The following SLC44A5 variants were observed in gnomAD, a reference collection of about 807,000 sequenced individuals.
The protein encoded by SLC44A5 is solute carrier family 44 member 5, also known as choline transporter-like protein 5.
In SLC44A5, 57 loss-of-function variants were observed where a neutral mutation model predicts 101.8. That is an observed-to-expected ratio of 0.56 (90% CI 0.45 to 0.70). The LOEUF is 0.70. Among genes scored for constraint, SLC44A5 ranks in the 30% least tolerant of loss-of-function variants. The pLI is 0.00. For synonymous variants in SLC44A5, 281 were observed against 290.9 expected (o/e 0.97, Z 0.35); for missense variants, 737 against 853.1 (o/e 0.86, Z 1.70).
At chr1:75,408,610 A>G (rs1329074729) in intron 2 of SLC44A5, among the ~76,000 whole-genome samples, 1 of 152,146 alleles carries the variant, frequency 6.6e-6, no homozygotes, top group Non-Finnish European at 1.5e-5. Context: ...ACACAGGAAC[A>G]GAAAACCAAA....
intron 2 of SLC44A5, among the ~76,000 whole-genome samples, chr1:75,473,687 C>A (rs917852726): frequency 6.6e-6 from 1 of 152,194 alleles, no homozygotes; most frequent in African/African-American, 2.4e-5. Context: ...AATTCTAGCA[C>A]TATAATCAGC....
At chr1:75,586,646 C>A (rs927778319) in intron 1 of SLC44A5, among the ~76,000 whole-genome samples, 3 of 151,798 alleles carry the variant, frequency 2.0e-5, no homozygotes, top group Non-Finnish European at 2.9e-5. Context: ...GAAGACTACA[C>A]CTTTGCAGGT....
chr1:75,638,234 G>A, the SLC44A5 span, among the ~76,000 whole-genome samples: 2 of 152,008 alleles, frequency 1.3e-5, no homozygotes, highest in Non-Finnish European at 2.9e-5. Context: ...CAAGTTTCAT[G>A]TTTCAAGTAT....
intron 2 of SLC44A5, among the ~76,000 whole-genome samples, chr1:75,525,982 A>G (rs952578716): frequency 6.6e-6 from 1 of 152,240 alleles, no homozygotes; most frequent in African/African-American, 2.4e-5. Flanking sequence ...AAAAATATCC[A>G]AAAAGGTACG....
chr1:75,407,860 T>C (rs913588844), intron 2 of SLC44A5, among the ~76,000 whole-genome samples: 17 of 152,206 alleles, frequency 1.1e-4, no homozygotes, highest in Non-Finnish European at 2.1e-4. Flanking sequence ...AATTGACAAA[T>C]GAGATCTAAT....
the SLC44A5 span, among the ~76,000 whole-genome samples, chr1:75,618,971 G>C: frequency 6.6e-6 from 1 of 151,138 alleles, no homozygotes; most frequent in African/African-American, 2.4e-5. Context: ...TTGGGAGGCT[G>C]AGACAGGAGA....
the SLC44A5 span, among the ~76,000 whole-genome samples, chr1:75,674,335 T>C: frequency 1.3e-5 from 2 of 152,142 alleles, no homozygotes; most frequent in African/African-American, 4.8e-5. Flanking sequence ...ATTAGTGAGC[T>C]TGAAGATAAG....
upstream of SLC44A5, among the ~76,000 whole-genome samples, chr1:75,613,859 AAGGGGAGGTGTCTTT>A (rs1675757829): frequency 6.6e-6 from 1 of 152,224 alleles, no homozygotes; most frequent in Non-Finnish European, 1.5e-5. Flanking sequence ...CGGAAGAATA[AAGGGGAGGTGTCTTT>A]TTCATCAAAT....
intron 6 of SLC44A5, among the ~76,000 whole-genome samples, chr1:75,267,328 GT>G (rs201050789): frequency 6.0e-5 from 9 of 151,090 alleles, no homozygotes; most frequent in East Asian, 3.9e-4. Flanking sequence ...TGTTTATCTG[GT>G]TTTTTTTTCT....
At chr1:75,465,093 G>C (rs923189149) in intron 2 of SLC44A5, among the ~76,000 whole-genome samples, 1 of 152,022 alleles carries the variant, frequency 6.6e-6, no homozygotes. Flanking sequence ...CACATTTTTT[G>C]TTCATCAGCA....
At chr1:75,386,436 TCATGAGTGAAATCCCATTCA>T (rs1473640064) in intron 3 of SLC44A5, among the ~76,000 whole-genome samples, 4 of 152,060 alleles carry the variant, frequency 2.6e-5, no homozygotes, top group African/African-American at 9.7e-5. Flanking sequence ...GAGAGCCAAA[TCATGAGTGAAATCCCATTCA>T]CAATTGCTTC....
chr1:75,588,332 G>A (rs1223697664), intron 1 of SLC44A5, among the ~76,000 whole-genome samples: 3 of 151,804 alleles, frequency 2.0e-5, no homozygotes, highest in Non-Finnish European at 4.4e-5. Flanking sequence ...AAGGGGAAAT[G>A]GAATGAGCAT....
intron 7 of SLC44A5, among the ~76,000 whole-genome samples, chr1:75,244,364 T>G (rs538775443): frequency 3.9e-5 from 6 of 152,216 alleles, no homozygotes; most frequent in Admixed American, 2.0e-4. Context: ...CAGTATAATT[T>G]AAGATTAATA....
At chr1:75,311,638 C>T (rs1056435165) in intron 4 of SLC44A5, 12 of 886,910 alleles carry the variant, frequency 1.4e-5, no homozygotes, top group Non-Finnish European at 1.4e-5. Flanking sequence ...GATACTGTGG[C>T]AGATGCTATG....
At chr1:75,359,408 ATTT>A (rs571999334) in intron 3 of SLC44A5, among the ~76,000 whole-genome samples, 1 of 129,442 alleles carries the variant, frequency 7.7e-6, no homozygotes, top group African/African-American at 2.8e-5. Flanking sequence ...TAATTTTTGT[ATTT>A]TTTTTTTTTT....
chr1:75,342,833 A>T (rs1180818599), intron 3 of SLC44A5, among the ~76,000 whole-genome samples: 1 of 152,184 alleles, frequency 6.6e-6, no homozygotes, highest in Non-Finnish European at 1.5e-5. Flanking sequence ...TCTGATTGTA[A>T]ATACTGGCTG....
At chr1:75,512,433 T>A (rs6679853) in intron 2 of SLC44A5, among the ~76,000 whole-genome samples, 4 of 151,934 alleles carry the variant, frequency 2.6e-5, no homozygotes, top group African/African-American at 9.7e-5. Flanking sequence ...CTTTCTTGAG[T>A]TTTTTTTAGC....
At chr1:75,445,475 C>T (rs1315090452) in intron 2 of SLC44A5, among the ~76,000 whole-genome samples, 3 of 88,164 alleles carry the variant, frequency 3.4e-5, no homozygotes, top group Non-Finnish European at 7.0e-5. Flanking sequence ...ACTGTCCAAT[C>T]CTTACTATAT....
intron 1 of SLC44A5, among the ~76,000 whole-genome samples, chr1:75,591,792 T>C (rs540836656): frequency 3.4e-4 from 52 of 152,158 alleles, no homozygotes; most frequent in African/African-American, 4.6e-4. Flanking sequence ...ATAATTTCAA[T>C]TGATGCTGAA....
Sources: gnomAD v4.1 joint callset for allele counts (sites outside exome capture counted in the v4.1 genomes callset) on GRCh38, gnomAD v4.1.1 for gene constraint, MANE v1.5 for transcripts, NCBI Gene and HGNC (gene_info 2026-07-23, HGNC 2026-07-21) for gene names.